FNBP1: variants seen among roughly 807,000 people sequenced by gnomAD.
The protein encoded by FNBP1 is formin binding protein 1, also known as formin-binding protein 1.
Under a neutral mutation model 90.6 loss-of-function variants are expected in FNBP1, and 26 were observed. The ratio of observed to expected loss-of-function variants is 0.29; its 90% CI spans 0.21 to 0.40. The LOEUF (loss-of-function observed/expected upper bound fraction) is 0.40, where lower values mean the gene tolerates loss of function less well. FNBP1 is among the 10% of genes least tolerant of loss of function. The probability of loss-of-function intolerance (pLI) is 1.00; values close to 1 mark genes in which losing one functional copy is unlikely to be tolerated. For missense variants in FNBP1, 635 were observed against 768.0 expected, an observed-to-expected ratio of 0.83 and a Z score of 2.05; for synonymous variants, 260 against 265.2, an observed-to-expected ratio of 0.98 and a Z score of 0.19.
At chr9:130,049,757 A>T in the FNBP1 span, among the ~76,000 whole-genome samples, 1 of 152,304 alleles carries the variant, frequency 6.6e-6, no homozygotes, top group South Asian at 2.1e-4. Context: ...TAAAATGTTT[A>T]GCACATAATA....
In FNBP1 at chr9:129,966,480, G is replaced by A. The variant is rs933016579; in HGVS notation, c.346-7927C>T. ...GCAGTGGCTCACGCCTGTAATCCCA[G>A]CACTTTGGGAGGTCGAGATGGGCGG... is the stretch of plus-strand genomic sequence containing the variant. On this transcript the variant is annotated intron_variant, in intron 4 of 16. Transcript: ENST00000446176. The surrounding 1 kb of genome is among the most constrained non-coding windows in gnomAD (Gnocchi z 4.3). Among the ~76,000 whole-genome samples, 9 of 152,296 alleles carry A rather than the reference G, an allele frequency of 5.9e-5. No homozygotes were observed. In the East Asian group the frequency reaches 1.7e-3, roughly 29 times the overall value.
intron 1 of FNBP1, among the ~76,000 whole-genome samples, chr9:130,002,382 G>A (rs913347440): frequency 1.3e-5 from 2 of 152,098 alleles, no homozygotes; most frequent in Non-Finnish European, 2.9e-5. Context: ...CAGAGGTGGG[G>A]CCTAATGGGA....
the FNBP1 span, among the ~76,000 whole-genome samples, chr9:130,048,742 T>G: frequency 7.5e-4 from 111 of 148,558 alleles, no homozygotes; most frequent in Non-Finnish European, 1.2e-3. Context: ...CCTCCCAAAG[T>G]GCTGGGATTA....
chr9:129,897,310 C>T (rs2035950390), intron 15 of FNBP1, among the ~76,000 whole-genome samples: 1 of 152,176 alleles, frequency 6.6e-6, no homozygotes. Context: ...CCCACCACCC[C>T]CCAGTTTTCT....
chr9:129,925,282 G>A, intron 8 of FNBP1, 125 bp from the exon 9 acceptor site: 1 of 694,422 alleles, frequency 1.4e-6, no homozygotes, highest in Non-Finnish European at 2.4e-6. Flanking sequence ...AGAGGCGGGT[G>A]GATCACGAGG....
At chr9:129,898,313 C>A (rs556271158) in intron 15 of FNBP1, among the ~76,000 whole-genome samples, 1 of 152,286 alleles carries the variant, frequency 6.6e-6, no homozygotes, top group South Asian at 2.1e-4. Context: ...ACTTCCCACT[C>A]TTTAGTGCCA....
intron 16 of FNBP1, chr9:129,895,529 T>TTA: frequency 3.3e-6 from 4 of 1,213,772 alleles, no homozygotes; most frequent in Non-Finnish European, 3.1e-6. Context: ...ACTTTTTTTT[T>TTA]AATCTACAGA....
chr9:130,016,029 T>C (rs2057197566), intron 1 of FNBP1, among the ~76,000 whole-genome samples: 1 of 152,258 alleles, frequency 6.6e-6, no homozygotes, highest in Non-Finnish European at 1.5e-5. Flanking sequence ...TTCTTAATCT[T>C]TGTTCATTCA....
Position 129,890,702 on chromosome 9 carries a change from G to A in FNBP1, c.1847-156C>T, listed in dbSNP as rs1453218509. Among the ~76,000 whole-genome samples the A allele has an allele frequency of 6.6e-6, 1 of 152,152 alleles. No homozygotes were observed. Among genetic ancestry groups the A allele is most frequent in the East Asian group, 1.9e-4 (1 of 5,188 alleles). On this transcript the variant is annotated intron_variant, in intron 16 of 16. Coordinates refer to ENST00000446176, the MANE Select transcript of FNBP1 (RefSeq NM_015033.3). The surrounding 1 kb of genome is among the most constrained non-coding windows in gnomAD (Gnocchi z 5.8). Reference sequence around the variant, plus strand: ...GGGAGGGGGCGTCTTAGAGCAATCGGTTACCACAGGGCGGGTCTGAGATGA... The same window carrying A: ...GGGAGGGGGCGTCTTAGAGCAATCGATTACCACAGGGCGGGTCTGAGATGA...
chr9:130,000,243 C>T (rs2054618740), intron 1 of FNBP1, among the ~76,000 whole-genome samples: 1 of 152,208 alleles, frequency 6.6e-6, no homozygotes, highest in African/African-American at 2.4e-5. Context: ...GTAATCCCAG[C>T]ACTTCGGGAG....
rs190440696 is a variant in FNBP1 at position 129,969,017 on chromosome 9, C to G, written c.345+9448G>C. ...ATCGCTGTGGAAAAGCCCAGACGTA[C>G]TCAAAGGCTGCAGCTACACCAAACA... On this transcript the variant is annotated intron_variant, in intron 4 of 16. Transcript: ENST00000446176. Among the ~76,000 whole-genome samples the G allele has an allele frequency of 5.3e-5, 8 of 152,312 alleles. No individual in the cohort carries two copies. The East Asian group carries it at 1.3e-3, about 26-fold the overall frequency.
rs1218795320 is a variant in FNBP1 at position 130,031,450 on chromosome 9, A to T, written c.24+11502T>A. Among the ~76,000 whole-genome samples, 1 of 152,182 alleles carries T rather than the reference A, an allele frequency of 6.6e-6. No homozygotes were observed. The highest frequency in any genetic ancestry group is 3.2e-3 in the Middle Eastern group (1 of 316). On this transcript the variant is annotated intron_variant, in intron 1 of 16. Transcript: ENST00000446176. This position sits in a 1 kb window ranked among gnomAD's most constrained non-coding sequence, Gnocchi z 4.2. ...ATCATTTGAGAGCTCTGTGCCCTCC[A>T]TGACCCTTTGGACATACCATTTCCT...
intron 1 of FNBP1, among the ~76,000 whole-genome samples, chr9:129,998,558 A>G (rs1004437294): frequency 4.0e-5 from 6 of 151,036 alleles, no homozygotes; most frequent in African/African-American, 4.9e-5. Context: ...ATGATTTCCC[A>G]TAATCTCCAA....
chr9:130,004,491 A>G (rs1014933734), intron 1 of FNBP1, among the ~76,000 whole-genome samples: 1 of 152,186 alleles, frequency 6.6e-6, no homozygotes, highest in Non-Finnish European at 1.5e-5. Flanking sequence ...GGTCTGTGCT[A>G]TCTAGACTGC....
At chr9:129,903,357 G>C (rs2037335926) in intron 12 of FNBP1, among the ~76,000 whole-genome samples, 1 of 151,966 alleles carries the variant, frequency 6.6e-6, no homozygotes, top group Non-Finnish European at 1.5e-5. Flanking sequence ...ACCCGGCAAA[G>C]GTTACTCTTA....
chr9:129,962,429 G>A (rs774911369), intron 4 of FNBP1, among the ~76,000 whole-genome samples: 24 of 152,318 alleles, frequency 1.6e-4, no homozygotes, highest in Non-Finnish European at 2.8e-4. Context: ...TGCAGAGAAG[G>A]TCAGGTGAAG....
At chr9:129,895,081 A>G (rs2035512064) in intron 16 of FNBP1, among the ~76,000 whole-genome samples, 1 of 152,060 alleles carries the variant, frequency 6.6e-6, no homozygotes, top group South Asian at 2.1e-4. Context: ...CACAAACACA[A>G]CAACAAAAAC....
At chr9:130,033,077 T>C (rs1181151952) in intron 1 of FNBP1, among the ~76,000 whole-genome samples, 1 of 152,226 alleles carries the variant, frequency 6.6e-6, no homozygotes, top group East Asian at 1.9e-4. Context: ...TTCTACAGTT[T>C]GTTCCCAGGG....
chr9:130,008,451 G>C (rs957367696), intron 1 of FNBP1, among the ~76,000 whole-genome samples: 2 of 152,156 alleles, frequency 1.3e-5, no homozygotes, highest in Admixed American at 6.6e-5. Context: ...AAAAGTATTA[G>C]GGATAATGAA....
Sources: allele counts gnomAD v4.1 joint callset (sites outside exome capture counted in the v4.1 genomes callset), GRCh38; gene constraint gnomAD v4.1.1; non-coding constraint Gnocchi (gnomAD v3.1); transcripts MANE v1.5; gene names NCBI Gene and HGNC (gene_info 2026-07-23, HGNC 2026-07-21).